Variants in ULK4 observed in about 807,000 individuals in gnomAD.
ULK4 encodes the protein inactive serine/threonine-protein kinase ULK4.
ULK4 carries 133 observed loss-of-function variants against 160.6 expected under a neutral mutation model. The ratio of observed to expected loss-of-function variants is 0.83; its 90% CI spans 0.72 to 0.96. ULK4 has a LOEUF of 0.96. Ranked by LOEUF, ULK4 falls within the 40% of genes least tolerant of loss-of-function variation. The probability of loss-of-function intolerance (pLI) is 0.00; values close to 1 mark genes in which losing one functional copy is unlikely to be tolerated. For synonymous variants in ULK4, 534 were observed against 539.8 expected, an observed-to-expected ratio of 0.99 and a Z score of 0.15; for missense variants, 1,580 against 1,499.5, an observed-to-expected ratio of 1.05 and a Z score of -0.89.
intron 5 of ULK4, among the ~76,000 whole-genome samples, 171 bp from the exon 6 acceptor site, chr3:41,919,989 T>C (rs987423302): frequency 1.3e-5 from 2 of 152,138 alleles, no homozygotes; most frequent in Admixed American, 6.5e-5. Flanking sequence ...TAAGGTTACA[T>C]TTTGCAAAGG....
At chr3:41,879,562 A>T (rs1301529050) in intron 17 of ULK4, among the ~76,000 whole-genome samples, 2 of 151,750 alleles carry the variant, frequency 1.3e-5, no homozygotes, top group African/African-American at 4.8e-5. Flanking sequence ...ATAGCATGAT[A>T]ATAGCCCACT....
At chr3:41,823,804 T>C (rs2041234953) in intron 18 of ULK4, among the ~76,000 whole-genome samples, 1 of 152,312 alleles carries the variant, frequency 6.6e-6, no homozygotes, top group African/African-American at 2.4e-5. Context: ...TCACGAGATG[T>C]AGTTAAATGT....
chr3:41,786,981 A>G (rs554964324), intron 21 of ULK4, among the ~76,000 whole-genome samples: 1 of 152,274 alleles, frequency 6.6e-6, no homozygotes, highest in Admixed American at 6.5e-5. Context: ...ACCAACAGGT[A>G]TACATACACA....
In ULK4 at chr3:41,506,767, A is replaced by AAAAAAAAAAAAAATATATATATAAATAT; in HGVS notation, c.3227-43515_3227-43514insATATTTATATATATATTTTTTTTTTTTT. 1.6e-4 allele frequency among the ~76,000 whole-genome samples: 9 copies of AAAAAAAAAAAAAATATATATATAAATAT among 56,794 alleles called. 2 individuals are homozygous for AAAAAAAAAAAAAATATATATATAAATAT. The East Asian group carries it at 2.5e-3, about 16-fold the overall frequency. The allele number at this position is 56,794 out of a possible 152,430, so 37.3% of individuals were successfully genotyped here. A position where few individuals can be genotyped will look rare whatever the true frequency, so the allele number is the denominator to read the frequency against. On this transcript the variant is annotated intron_variant, in intron 32 of 36. Transcript: ENST00000301831. ...AGCAATACACTGGAGTGTGATTTAA[A>AAAAAAAAAAAAAATATATATATAAATAT]ATATATATATATATATATATATATA...
intron 34 of ULK4, among the ~76,000 whole-genome samples, chr3:41,444,573 G>T (rs2125860006): frequency 6.6e-6 from 1 of 152,214 alleles, no homozygotes; most frequent in Admixed American, 6.5e-5. Context: ...CTAACCTTGA[G>T]ATTTGGTTAT....
chr3:41,547,932 G>C (rs2086920575), intron 32 of ULK4, among the ~76,000 whole-genome samples: 1 of 152,192 alleles, frequency 6.6e-6, no homozygotes, highest in Admixed American at 6.5e-5. Context: ...CAGAGACTGA[G>C]AGTGGCCTGC....
chr3:41,802,717 T>A (rs925700801), intron 19 of ULK4, among the ~76,000 whole-genome samples: 2 of 152,072 alleles, frequency 1.3e-5, no homozygotes, highest in Non-Finnish European at 2.9e-5. Context: ...ATTATTCTGG[T>A]GTAAGGTTCT....
chr3:41,911,484 T>C, intron 10 of ULK4, 57 bp downstream of exon 10: 1 of 1,588,060 alleles, frequency 6.3e-7, no homozygotes, highest in South Asian at 1.1e-5. Context: ...ACACTGAAAT[T>C]AGGAACTCTC....
At chr3:41,830,060 A>G (rs2041522858) in intron 18 of ULK4, among the ~76,000 whole-genome samples, 1 of 151,488 alleles carries the variant, frequency 6.6e-6, no homozygotes, top group Non-Finnish European at 1.5e-5. Flanking sequence ...AAAACCAAAC[A>G]CCGCATGTTC....
At chr3:41,489,730 C>T (rs2084679224) in intron 32 of ULK4, among the ~76,000 whole-genome samples, 1 of 152,120 alleles carries the variant, frequency 6.6e-6, no homozygotes, top group African/African-American at 2.4e-5. Context: ...AATACGAGTT[C>T]TCCTGTGGAC....
chr3:41,479,059 T>G (rs1357259577), intron 32 of ULK4, among the ~76,000 whole-genome samples: 1 of 152,216 alleles, frequency 6.6e-6, no homozygotes, highest in African/African-American at 2.4e-5. Flanking sequence ...CAGCACAGCC[T>G]GGGGTCTATC....
At chr3:41,597,616 G>C (rs2031782800) in intron 31 of ULK4, among the ~76,000 whole-genome samples, 1 of 152,156 alleles carries the variant, frequency 6.6e-6, no homozygotes, top group African/African-American at 2.4e-5. Flanking sequence ...CAGAGAGTGA[G>C]TGTGAGTACT....
At chr3:41,300,738 T>A (rs2079769759) in intron 35 of ULK4, among the ~76,000 whole-genome samples, 1 of 151,090 alleles carries the variant, frequency 6.6e-6, no homozygotes, top group South Asian at 2.1e-4. Flanking sequence ...CTAGCCATGA[T>A]ACAAGTGATT....
chr3:41,536,760 T>A (rs2086514418), intron 32 of ULK4, among the ~76,000 whole-genome samples: 1 of 152,058 alleles, frequency 6.6e-6, no homozygotes, highest in Non-Finnish European at 1.5e-5. Flanking sequence ...GGTCTTTCTG[T>A]CTCAGGGTGG....
intron 16 of ULK4, among the ~76,000 whole-genome samples, chr3:41,885,268 T>C (rs1697678115): frequency 6.6e-6 from 1 of 152,202 alleles, no homozygotes; most frequent in South Asian, 2.1e-4. Context: ...TGTATCAACA[T>C]GCCAATTATT....
At chr3:41,613,515 T>C (rs1441588655) in intron 31 of ULK4, among the ~76,000 whole-genome samples, 3 of 120,048 alleles carry the variant, frequency 2.5e-5, no homozygotes, top group Non-Finnish European at 4.7e-5. Flanking sequence ...TGTTAAAATC[T>C]GAAAAAAAAA....
intron 21 of ULK4, among the ~76,000 whole-genome samples, chr3:41,774,666 G>A (rs1390483083): frequency 6.0e-5 from 9 of 149,748 alleles, no homozygotes; most frequent in East Asian, 1.9e-4. Flanking sequence ...TCAGTGTGGC[G>A]ATTCCTCAGG....
At chr3:41,522,817 A>G (rs2085979376) in intron 32 of ULK4, among the ~76,000 whole-genome samples, 1 of 152,168 alleles carries the variant, frequency 6.6e-6, no homozygotes, top group Non-Finnish European at 1.5e-5. Context: ...GCCCCAGGGA[A>G]CTTGGCCAGC....
intron 25 of ULK4, among the ~76,000 whole-genome samples, chr3:41,712,644 C>T (rs558342121): frequency 1.3e-5 from 2 of 152,338 alleles, no homozygotes; most frequent in African/African-American, 2.4e-5. Flanking sequence ...AATCCCAGCA[C>T]TTTGGGAGGC....
Sources: gnomAD v4.1 joint callset for allele counts (sites outside exome capture counted in the v4.1 genomes callset) on GRCh38, gnomAD v4.1.1 for gene constraint, MANE v1.5 for transcripts, NCBI Gene and HGNC (gene_info 2026-07-23, HGNC 2026-07-21) for gene names.